The following SPIRE1 variants were observed in gnomAD, a reference collection of about 807,000 sequenced individuals.
The protein encoded by SPIRE1 is protein spire homolog 1.
In SPIRE1, 40 loss-of-function variants were observed where a neutral mutation model predicts 94.1. The ratio of observed to expected loss-of-function variants is 0.43; its 90% CI spans 0.33 to 0.55. SPIRE1 has a LOEUF of 0.55. SPIRE1 is among the 20% of genes least tolerant of loss of function. The probability of loss-of-function intolerance (pLI) is 0.06; values close to 1 mark genes in which losing one functional copy is unlikely to be tolerated. For synonymous variants in SPIRE1, 376 were observed against 371.7 expected (o/e 1.01, Z -0.13); for missense variants, 838 against 975.2 (o/e 0.86, Z 1.87).
intron 2 of SPIRE1, among the ~76,000 whole-genome samples, chr18:12,553,979 C>A (rs2035428331): frequency 6.6e-6 from 1 of 151,978 alleles, no homozygotes; most frequent in Non-Finnish European, 1.5e-5. Flanking sequence ...CCTAAATAAA[C>A]AAAATCAAAG....
At chr18:12,595,386 A>C (rs1228895069) in intron 2 of SPIRE1, among the ~76,000 whole-genome samples, 1 of 152,228 alleles carries the variant, frequency 6.6e-6, no homozygotes, top group East Asian at 1.9e-4. Context: ...AAGACTTTCA[A>C]TCAAAACTTA....
At chr18:12,479,147 A>G (rs1291392582) in intron 10 of SPIRE1, among the ~76,000 whole-genome samples, 5 of 148,508 alleles carry the variant, frequency 3.4e-5, no homozygotes, top group Admixed American at 2.0e-4. Flanking sequence ...GTGTGTGTGT[A>G]TACATATATG....
intron 6 of SPIRE1, among the ~76,000 whole-genome samples, chr18:12,496,312 A>G (rs1382235596): frequency 6.6e-6 from 1 of 152,206 alleles, no homozygotes; most frequent in Non-Finnish European, 1.5e-5. Flanking sequence ...CTTTAATTCT[A>G]TCACTTTGTG....
chr18:12,517,219 A>G (rs560285845), intron 4 of SPIRE1, among the ~76,000 whole-genome samples: 1 of 152,350 alleles, frequency 6.6e-6, no homozygotes, highest in East Asian at 1.9e-4. Context: ...TATTATGTCA[A>G]TGAATACCTA....
intron 2 of SPIRE1, among the ~76,000 whole-genome samples, chr18:12,570,428 G>A (rs2035934596): frequency 6.6e-6 from 1 of 152,108 alleles, no homozygotes; most frequent in African/African-American, 2.4e-5. Context: ...TATTGCCTTT[G>A]TCGTCATGCT....
At position 12,506,553 on chromosome 18, in the gene SPIRE1, A is replaced by G; in HGVS notation, c.896T>C (p.Ile299Thr). The part of the protein sequence containing the change: ...VQERQYNPLP[I>T]EYQLTPYEML... ...CTCATAAGGGGTGAGCTGATATTCA[A>G]TGGGCAAAGGGTTGTACTGCCGCTC... Residue 299 changes from isoleucine to threonine, a missense_variant, in exon 6 of 17, where the codon ATT becomes ACT. Physicochemically the swap from Ile to Thr is moderately conservative, Grantham distance 89. Coordinates refer to ENST00000409402, the MANE Select transcript of SPIRE1 (RefSeq NM_001128626.2). 1 of 1,614,068 alleles carries G rather than the reference A, an allele frequency of 6.2e-7. No homozygotes were observed. The highest frequency in any genetic ancestry group is 1.1e-5 in the South Asian group (1 of 91,078).
At chr18:12,594,132 G>A (rs2144602674) in intron 2 of SPIRE1, among the ~76,000 whole-genome samples, 1 of 152,212 alleles carries the variant, frequency 6.6e-6, no homozygotes. Context: ...TATTAGCTAG[G>A]CAAAGTAGGA....
chr18:12,463,281 A>G (rs750274121), intron 12 of SPIRE1, 70 bp downstream of exon 12: 2 of 1,406,414 alleles, frequency 1.4e-6, no homozygotes, highest in Non-Finnish European at 1.9e-6. Context: ...TATCATCTTC[A>G]TAAGAAAGCT....
At chr18:12,620,897 G>C (rs1293771789) in intron 2 of SPIRE1, among the ~76,000 whole-genome samples, 1 of 151,976 alleles carries the variant, frequency 6.6e-6, no homozygotes, top group African/African-American at 2.4e-5. Context: ...GGCAAATCAT[G>C]TATGTGATAA....
chr18:12,540,461 C>T (rs1335408315), intron 3 of SPIRE1, among the ~76,000 whole-genome samples: 3 of 152,082 alleles, frequency 2.0e-5, no homozygotes, highest in Non-Finnish European at 2.9e-5. Context: ...CTGCAACCTC[C>T]GCCTCCCAGG....
intron 10 of SPIRE1, among the ~76,000 whole-genome samples, chr18:12,478,591 T>C (rs1215166038): frequency 6.7e-6 from 1 of 149,998 alleles, no homozygotes; most frequent in Non-Finnish European, 1.5e-5. Context: ...TGTGTATGTA[T>C]GTGTGTGTGT....
chr18:12,466,410 G>A (rs2032102184), intron 10 of SPIRE1, among the ~76,000 whole-genome samples: 1 of 152,020 alleles, frequency 6.6e-6, no homozygotes, highest in African/African-American at 2.4e-5. Context: ...CTGAGTAACT[G>A]GGATTACAGG....
chr18:12,454,553 A>T, intron 12 of SPIRE1, 70 bp from the exon 13 acceptor site: 5 of 1,441,508 alleles, frequency 3.5e-6, no homozygotes, highest in Non-Finnish European at 4.9e-6. Flanking sequence ...ATTTCCCTTC[A>T]GATCAGACCC....
chr18:12,496,137 C>T lies in SPIRE1; in HGVS notation c.973-35G>A, dbSNP rs562586177. ...GACAAAAAGCAGAAGATTCATGTGA[C>T]TATATAAGACTATCATGAATTTCTG... On this transcript the variant is annotated intron_variant, in intron 6 of 16. Coordinates refer to ENST00000409402, the MANE Select transcript of SPIRE1 (RefSeq NM_001128626.2). 11 of 1,399,430 alleles carry T rather than the reference C, an allele frequency of 7.9e-6. No homozygotes were observed. In the South Asian group the frequency reaches 1.2e-4, roughly 15 times the overall value. 86.7% of individuals were successfully genotyped at this position (1,399,430 alleles called of 1,614,324 possible).
At chr18:12,634,981 G>T in intron 2 of SPIRE1, 81 bp downstream of exon 2, 3 of 720,196 alleles carry the variant, frequency 4.2e-6, no homozygotes, top group Non-Finnish European at 4.7e-6. Context: ...AGAACCTATA[G>T]TGAGATAGTT....
chr18:12,574,208 T>C (rs2036033169), intron 2 of SPIRE1, among the ~76,000 whole-genome samples: 1 of 152,208 alleles, frequency 6.6e-6, no homozygotes, highest in Non-Finnish European at 1.5e-5. Context: ...ATTTTTTCTG[T>C]AAACCTAAAA....
intron 16 of SPIRE1, chr18:12,450,624 T>G: frequency 5.2e-6 from 3 of 574,860 alleles, no homozygotes; most frequent in Non-Finnish European, 9.4e-6. Context: ...AAGTCTAAAT[T>G]TGATGAAATG....
At chr18:12,484,664 A>G (rs1259282605) in intron 9 of SPIRE1, among the ~76,000 whole-genome samples, 1 of 152,208 alleles carries the variant, frequency 6.6e-6, no homozygotes, top group Non-Finnish European at 1.5e-5. Context: ...AAAAGAAAAT[A>G]TTTGTGCCAA....
At chr18:12,643,877 G>A (rs944243618) in intron 1 of SPIRE1, among the ~76,000 whole-genome samples, 2 of 151,652 alleles carry the variant, frequency 1.3e-5, no homozygotes, top group Non-Finnish European at 2.9e-5. Context: ...TAAATATAAT[G>A]AAAAGATCAT....
Sources: allele counts gnomAD v4.1 joint callset (sites outside exome capture counted in the v4.1 genomes callset), GRCh38; gene constraint gnomAD v4.1.1; transcripts MANE v1.5; gene names NCBI Gene and HGNC (gene_info 2026-07-23, HGNC 2026-07-21).